TENM1: variants seen among roughly 807,000 people sequenced by gnomAD.
TENM1 encodes the protein teneurin-1.
In TENM1, 35 loss-of-function variants were observed where a neutral mutation model predicts 174.8. The observed-to-expected ratio is 0.20, with a 90% CI of 0.15 to 0.27. TENM1 has a LOEUF of 0.27. Ranked by LOEUF, TENM1 falls within the 10% of genes least tolerant of loss-of-function variation. The probability of loss-of-function intolerance (pLI) is 1.00; values close to 1 mark genes in which losing one functional copy is unlikely to be tolerated. For synonymous variants in TENM1, 781 were observed against 798.7 expected, an observed-to-expected ratio of 0.98 and a Z score of 0.37; for missense variants, 1,633 against 2,130.1, an observed-to-expected ratio of 0.77 and a Z score of 4.59.
rs776441108 is a variant in TENM1, at chrX:124,665,310, A to C, written c.1168+6373T>G. ...AGCCGAGATTGCGCCATTGCACTCCAGCCTGGGCAACAAGAGCAAAACTCC... is the reference window on the plus strand; with the variant it reads ...AGCCGAGATTGCGCCATTGCACTCCCGCCTGGGCAACAAGAGCAAAACTCC... On this transcript the variant is annotated intron_variant, in intron 6 of 31. Transcript: ENST00000422452. Among the ~76,000 whole-genome samples the C allele has an allele frequency of 5.4e-5, 6 of 112,020 alleles. 1 individual carries two copies. The highest frequency in any genetic ancestry group is 3.7e-4 in the Admixed American group (4 of 10,677).
chrX:124,692,731 G>A (rs2052554395), intron 5 of TENM1, among the ~76,000 whole-genome samples: 1 of 109,323 alleles, frequency 9.1e-6, no homozygotes, highest in Admixed American at 1.0e-4. Context: ...TTCTGGCCGG[G>A]CACGGTGGCT....
chrX:125,012,732 T>C, the TENM1 span, among the ~76,000 whole-genome samples: 8 of 111,957 alleles, frequency 7.1e-5, no homozygotes, highest in African/African-American at 2.3e-4. Context: ...TAGCTTTTGT[T>C]ATACTTAAAA....
the TENM1 span, among the ~76,000 whole-genome samples, chrX:125,165,232 T>A: frequency 9.0e-6 from 1 of 110,964 alleles, no homozygotes; most frequent in Non-Finnish European, 1.9e-5. Flanking sequence ...AAGAACGGAG[T>A]GGAAAACAAT....
the TENM1 span, among the ~76,000 whole-genome samples, chrX:125,111,322 A>T: frequency 4.5e-5 from 5 of 111,217 alleles, no homozygotes; most frequent in Admixed American, 9.6e-5. Context: ...TAATCCCAGA[A>T]CTTTGTTAGG....
chrX:124,863,519 C>T (rs1188415145), intron 3 of TENM1, among the ~76,000 whole-genome samples: 1 of 111,932 alleles, frequency 8.9e-6, no homozygotes, highest in Non-Finnish European at 1.9e-5. Context: ...AACTACCAGG[C>T]GAGGTTCCTC....
At chrX:124,880,166 G>A (rs9969867) in intron 3 of TENM1, among the ~76,000 whole-genome samples, 4,967 of 111,495 alleles carry the variant, frequency 0.045, 247 homozygotes, top group African/African-American at 0.15. Flanking sequence ...CATGAGCATC[G>A]GATGTCTTTC....
At chrX:124,637,239 G>A (rs769440592) in intron 11 of TENM1, among the ~76,000 whole-genome samples, 5 of 109,943 alleles carry the variant, frequency 4.5e-5, no homozygotes, top group East Asian at 2.9e-4. Context: ...ATGGGCGCAC[G>A]CCACCATGCC....
chrX:124,598,954 C>T (rs1283143847), intron 11 of TENM1, among the ~76,000 whole-genome samples: 1 of 111,374 alleles, frequency 9.0e-6, no homozygotes, highest in Non-Finnish European at 1.9e-5. Flanking sequence ...ATAATGGATA[C>T]CTCATTTACT....
intron 25 of TENM1, among the ~76,000 whole-genome samples, chrX:124,413,584 CTCTG>C (rs760906775): frequency 2.7e-5 from 3 of 112,175 alleles, no homozygotes; most frequent in Non-Finnish European, 3.8e-5. Context: ...CTTCTGTTCA[CTCTG>C]TCTTTATTTC....
chrX:124,611,577 C>T (rs2050277907), intron 11 of TENM1, among the ~76,000 whole-genome samples: 1 of 111,232 alleles, frequency 9.0e-6, no homozygotes, highest in African/African-American at 3.3e-5. Flanking sequence ...CTCCAATATA[C>T]AAAGAAAGCC....
intron 4 of TENM1, among the ~76,000 whole-genome samples, chrX:124,710,734 A>C (rs2053028196): frequency 8.9e-6 from 1 of 112,452 alleles, no homozygotes; most frequent in Non-Finnish European, 1.9e-5. Context: ...GAGTTCATGT[A>C]CTAAGGTTCT....
intron 17 of TENM1, 49 bp downstream of exon 20, chrX:124,523,315 C>G (rs1186497228): frequency 1.7e-6 from 2 of 1,166,437 alleles, no homozygotes; most frequent in Non-Finnish European, 1.2e-6. Context: ...ACACTGTTGA[C>G]CACTCCATGA....
intron 17 of TENM1, 50 bp from the exon 21 acceptor site, chrX:124,520,834 G>A (rs766910064): frequency 3.7e-6 from 4 of 1,067,446 alleles, no homozygotes; most frequent in East Asian, 3.2e-5. Flanking sequence ...GTCAGTGGTC[G>A]CAGGTAGATG....
the TENM1 span, among the ~76,000 whole-genome samples, chrX:125,161,050 A>G: frequency 9.3e-6 from 1 of 107,745 alleles, no homozygotes; most frequent in East Asian, 2.9e-4. Flanking sequence ...AAAAAAAAAA[A>G]AAAAAAAAAA....
chrX:124,966,472 C>G (rs1481994904), upstream of TENM1, among the ~76,000 whole-genome samples: 3 of 110,163 alleles, frequency 2.7e-5, no homozygotes, highest in Admixed American at 2.9e-4. Context: ...ACCATCCTGG[C>G]TAACACGGTG....
At chrX:124,951,671 T>TAA (rs1364930653) in intron 1 of TENM1, among the ~76,000 whole-genome samples, 24 of 62,194 alleles carry the variant, frequency 3.9e-4, no homozygotes, top group South Asian at 1.0e-3. Flanking sequence ...TATATATATA[T>TAA]ATAACAATCA....
At chrX:124,843,528 C>G (rs1161083159) in intron 3 of TENM1, among the ~76,000 whole-genome samples, 1 of 111,650 alleles carries the variant, frequency 9.0e-6, no homozygotes. Flanking sequence ...AGATCTGTTC[C>G]TCACCTCAGG....
intron 6 of TENM1, among the ~76,000 whole-genome samples, chrX:124,667,069 T>G (rs748730647): frequency 4.6e-4 from 52 of 112,238 alleles, no homozygotes; most frequent in African/African-American, 1.6e-3. Flanking sequence ...CAGCTCTTTC[T>G]ATGTGATCTC....
chrX:124,496,174 A>C (rs1267739573), intron 20 of TENM1, among the ~76,000 whole-genome samples: 5 of 111,109 alleles, frequency 4.5e-5, no homozygotes, highest in Non-Finnish European at 9.4e-5. Context: ...CATATGTAGA[A>C]AGCTGAAACT....
Sources: gnomAD v4.1 joint callset for allele counts (sites outside exome capture counted in the v4.1 genomes callset) on GRCh38, gnomAD v4.1.1 for gene constraint, MANE v1.5 for transcripts, NCBI Gene and HGNC (gene_info 2026-07-23, HGNC 2026-07-21) for gene names.